Variants in ADGRL3 observed in about 807,000 individuals in gnomAD.
The protein encoded by ADGRL3 is calcium-independent alpha-latrotoxin receptor 3.
ADGRL3 carries 62 observed loss-of-function variants against 153.5 expected under a neutral mutation model. The ratio of observed to expected loss-of-function variants is 0.40; its 90% CI spans 0.33 to 0.50. The LOEUF is 0.50. Among genes scored for constraint, ADGRL3 ranks in the 20% least tolerant of loss-of-function variants. The pLI is 0.47. For missense variants in ADGRL3, 1,641 were observed against 1,859.4 expected, an observed-to-expected ratio of 0.88 and a Z score of 2.16; for synonymous variants, 710 against 672.5, an observed-to-expected ratio of 1.06 and a Z score of -0.86.
At chr4:61,615,791 G>GTA (rs973873979) in intron 5 of ADGRL3, among the ~76,000 whole-genome samples, 10 of 151,780 alleles carry the variant, frequency 6.6e-5, no homozygotes, top group South Asian at 2.1e-4. Flanking sequence ...GTATTTATAT[G>GTA]TATATATATA....
intron 1 of ADGRL3, chr4:61,212,190 T>C (rs956391025): frequency 2.6e-5 from 4 of 152,168 alleles, no homozygotes; most frequent in African/African-American, 9.7e-5. Flanking sequence ...AAAAAACTTA[T>C]GGCATAGGAA....
intron 2 of ADGRL3, among the ~76,000 whole-genome samples, chr4:61,487,469 A>C (rs917586815): frequency 1.3e-5 from 2 of 152,082 alleles, no homozygotes; most frequent in African/African-American, 4.8e-5. Context: ...TATTATTAGG[A>C]AGATGATTAT....
At chr4:61,309,776 C>T (rs2150500207) in intron 1 of ADGRL3, among the ~76,000 whole-genome samples, 1 of 152,172 alleles carries the variant, frequency 6.6e-6, no homozygotes, top group African/African-American at 2.4e-5. Context: ...CATAAATCAT[C>T]TTTCCAAGAA....
chr4:62,007,449 T>C (rs1303673677), intron 21 of ADGRL3, among the ~76,000 whole-genome samples: 7 of 116,624 alleles, frequency 6.0e-5, no homozygotes, highest in South Asian at 2.8e-4. Context: ...TACACACACA[T>C]ATATATACAT....
At position 61,644,724 on chromosome 4, in the gene ADGRL3, A is replaced by T. The variant is rs537706222; in HGVS notation, c.474-32102A>T. ...CTTCCAAGTATGTGGTCAATTATGG[A>T]ATAGGTGTGGTTTGGTGCTGAAAAA... On this transcript the variant is annotated intron_variant, in intron 5 of 26. Coordinates refer to ENST00000683033, the MANE Select transcript of ADGRL3 (RefSeq NM_001387552.1). Among the ~76,000 whole-genome samples the T allele has an allele frequency of 1.9e-4, 29 of 152,210 alleles. No individual in the cohort carries two copies. The South Asian group carries it at 6.0e-3, about 32-fold the overall frequency.
rs182364352 is a variant in ADGRL3 at position 61,653,401 on chromosome 4, G to T, written c.474-23425G>T. Among the ~76,000 whole-genome samples the T allele has an allele frequency of 3.3e-5, 5 of 152,240 alleles. No homozygotes were observed. In the East Asian group the frequency reaches 9.7e-4, roughly 29 times the overall value. On this transcript the variant is annotated intron_variant, in intron 5 of 26. Coordinates refer to ENST00000683033, the MANE Select transcript of ADGRL3 (RefSeq NM_001387552.1). Reference sequence around the variant, plus strand: ...AGCCTGAACTGACTAAAATATATGCGTTGTACGCCCAAGACAAAATGGAGT... The same window carrying T: ...AGCCTGAACTGACTAAAATATATGCTTTGTACGCCCAAGACAAAATGGAGT...
chr4:61,372,206 G>T (rs569818655), intron 1 of ADGRL3, among the ~76,000 whole-genome samples: 5 of 152,096 alleles, frequency 3.3e-5, no homozygotes, highest in Admixed American at 6.5e-5. Context: ...TAATTTGATC[G>T]TCTGAAGCCT....
intron 9 of ADGRL3, among the ~76,000 whole-genome samples, chr4:61,848,550 C>T (rs1030696198): frequency 1.3e-5 from 2 of 151,968 alleles, no homozygotes; most frequent in African/African-American, 2.4e-5. Context: ...ATTACATCTA[C>T]GAAGACCATA....
chr4:61,344,548 G>A (rs11729528), intron 1 of ADGRL3, among the ~76,000 whole-genome samples: 17,944 of 151,982 alleles, frequency 0.12, 1,293 homozygotes, highest in South Asian at 0.2. Context: ...GTATTTCCTG[G>A]CATCCTGAAA....
At chr4:61,245,077 A>G (rs1261092439) in intron 1 of ADGRL3, among the ~76,000 whole-genome samples, 1 of 152,000 alleles carries the variant, frequency 6.6e-6, no homozygotes, top group East Asian at 1.9e-4. Flanking sequence ...ATGAGGAGAC[A>G]GCATCTTGTG....
chr4:61,660,001 A>G (rs891486639), intron 5 of ADGRL3, among the ~76,000 whole-genome samples: 7 of 150,176 alleles, frequency 4.7e-5, no homozygotes, highest in East Asian at 4.0e-4. Flanking sequence ...TATTGGGGGG[A>G]CAGAGGAGAA....
chr4:61,241,245 GAGAT>G (rs1039200427), intron 1 of ADGRL3, among the ~76,000 whole-genome samples: 38 of 151,944 alleles, frequency 2.5e-4, no homozygotes, highest in African/African-American at 9.2e-4. Flanking sequence ...GATGAATAAA[GAGAT>G]AGGATGATTT....
chr4:61,322,092 C>T (rs2095368516), intron 1 of ADGRL3, among the ~76,000 whole-genome samples: 1 of 152,078 alleles, frequency 6.6e-6, no homozygotes, highest in African/African-American at 2.4e-5. Flanking sequence ...TGGCAGAAGG[C>T]AAGGAGGAGT....
Position 61,775,755 on chromosome 4 carries a change from T to TGCTAG in ADGRL3, c.1400-38051_1400-38047dup. ...CTTTGGTAGCTTCATGAATTCCACG[T>TGCTAG]GCTAGGCAATCGTGGATGAGGGCAG... On this transcript the variant is annotated intron_variant, in intron 8 of 26. Coordinates refer to ENST00000683033, the MANE Select transcript of ADGRL3 (RefSeq NM_001387552.1). The TGCTAG allele has an allele frequency of 4.6e-6, 4 of 871,344 alleles. No individual in the cohort carries two copies. In the South Asian group the frequency reaches 5.2e-5, roughly 11 times the overall value. The allele number at this position is 871,344 out of a possible 1,614,324, so 54.0% of individuals were successfully genotyped here. A position where few individuals can be genotyped will look rare whatever the true frequency, so the allele number is the denominator to read the frequency against.
At chr4:61,887,367 A>T (rs988670000) in intron 9 of ADGRL3, among the ~76,000 whole-genome samples, 3 of 152,188 alleles carry the variant, frequency 2.0e-5, no homozygotes, top group Non-Finnish European at 2.9e-5. Flanking sequence ...GACATTTTTA[A>T]TAGCAAAGTA....
intron 21 of ADGRL3, among the ~76,000 whole-genome samples, chr4:62,013,821 G>C (rs2099198675): frequency 6.6e-6 from 1 of 152,002 alleles, no homozygotes; most frequent in African/African-American, 2.4e-5. Flanking sequence ...CCGGAAAGCG[G>C]AGGTTTCAGT....
At chr4:61,707,020 A>G (rs1294942557) in intron 6 of ADGRL3, among the ~76,000 whole-genome samples, 1 of 152,168 alleles carries the variant, frequency 6.6e-6, no homozygotes, top group Non-Finnish European at 1.5e-5. Flanking sequence ...CCATTGCAGG[A>G]TTATTAAGTG....
At chr4:61,279,690 C>G (rs1401500540) in intron 1 of ADGRL3, among the ~76,000 whole-genome samples, 1 of 152,156 alleles carries the variant, frequency 6.6e-6, no homozygotes, top group African/African-American at 2.4e-5. Context: ...TTACATGTCT[C>G]TGTTGCTGCT....
chr4:62,014,991 A>AT (rs929452072), intron 21 of ADGRL3, among the ~76,000 whole-genome samples: 5 of 152,000 alleles, frequency 3.3e-5, no homozygotes, highest in African/African-American at 1.2e-4. Flanking sequence ...TTAAAATGCT[A>AT]TTTTTTCTTT....
Sources: gnomAD v4.1 joint callset for allele counts (sites outside exome capture counted in the v4.1 genomes callset) on GRCh38, gnomAD v4.1.1 for gene constraint, MANE v1.5 for transcripts, NCBI Gene and HGNC (gene_info 2026-07-23, HGNC 2026-07-21) for gene names.